Variants in NCAPD3 observed in about 807,000 individuals in gnomAD.
NCAPD3 encodes the protein condensin-2 complex subunit D3.
In NCAPD3, 105 loss-of-function variants were observed where a neutral mutation model predicts 182.9. The observed-to-expected ratio is 0.57, with a 90% CI of 0.49 to 0.68. The LOEUF (loss-of-function observed/expected upper bound fraction) is 0.68, where lower values mean the gene tolerates loss of function less well. Ranked by LOEUF, NCAPD3 falls within the 30% of genes least tolerant of loss-of-function variation. The pLI, the probability that NCAPD3 is intolerant of heterozygous loss-of-function variation, is 0.00. For synonymous variants in NCAPD3, 815 were observed against 679.9 expected, an observed-to-expected ratio of 1.20 and a Z score of -3.09; for missense variants, 1,944 against 1,837.0, an observed-to-expected ratio of 1.06 and a Z score of -1.07.
At chr11:134,224,068 C>G (rs376606577), upstream of NCAPD3, 20 of 1,011,126 alleles carry the variant, frequency 2.0e-5, no homozygotes, top group African/African-American at 1.8e-4. Flanking sequence ...TTTCCATTCG[C>G]TCAACCAATC....
intron 25 of NCAPD3, 53 bp from the exon 26 acceptor site, chr11:134,168,655 A>T: frequency 6.2e-7 from 1 of 1,607,412 alleles, no homozygotes. Flanking sequence ...GGTGTAAGGG[A>T]TTTAACACTG....
At position 134,158,072 on chromosome 11, in the gene NCAPD3, G is replaced by A. The variant is rs1405762413; in HGVS notation, c.4035-5C>T. The A allele has an allele frequency of 6.2e-7, 1 of 1,612,744 alleles. No homozygotes were observed. Among genetic ancestry groups the A allele is most frequent in the Non-Finnish European group, 8.5e-7 (1 of 1,179,334 alleles). On this transcript the variant is annotated splice_region_variant and splice_polypyrimidine_tract_variant and intron_variant, in intron 30 of 34. Coordinates refer to ENST00000534548, the MANE Select transcript of NCAPD3 (RefSeq NM_015261.3). ...ATGGTGCTCAGGGACATGGGCCTGT[G>A]GAGAACAGCCACAGCCGCTGACTTT...
chr11:134,156,452 A>G (rs1374115308), intron 32 of NCAPD3, among the ~76,000 whole-genome samples: 1 of 152,198 alleles, frequency 6.6e-6, no homozygotes, highest in Non-Finnish European at 1.5e-5. Context: ...CACAATATGA[A>G]GCTATCACAC....
chr11:134,194,944 A>C (rs550248470), intron 13 of NCAPD3, among the ~76,000 whole-genome samples: 2 of 152,348 alleles, frequency 1.3e-5, no homozygotes, highest in Admixed American at 1.3e-4. Flanking sequence ...AATATTAAAA[A>C]TTTGGTTTTA....
chr11:134,225,424 C>T (rs766491448), upstream of NCAPD3: 21 of 1,410,758 alleles, frequency 1.5e-5, no homozygotes, highest in African/African-American at 2.4e-4. Context: ...CCAGCTCCTC[C>T]GGCGAGGCCT....
At chr11:134,156,996 C>G (rs374968863) in intron 32 of NCAPD3, 22 bp downstream of exon 32, 5 of 1,588,822 alleles carry the variant, frequency 3.1e-6, no homozygotes, top group Admixed American at 1.7e-5. Context: ...GAGAAGCCCA[C>G]GTGTTCCGAT....
chr11:134,176,531 A>G, intron 23 of NCAPD3, 145 bp from the exon 24 acceptor site: 2 of 651,780 alleles, frequency 3.1e-6, no homozygotes, highest in Admixed American at 2.5e-5. Flanking sequence ...GTCGGAATGT[A>G]GTGCCGAGAA....
intron 29 of NCAPD3, 139 bp from the exon 30 acceptor site, chr11:134,158,634 T>C (rs1943495705): frequency 9.1e-6 from 8 of 880,532 alleles, no homozygotes; most frequent in African/African-American, 3.3e-5. Context: ...ATCAGGGTAA[T>C]TGGCATCTCC....
intron 27 of NCAPD3, among the ~76,000 whole-genome samples, chr11:134,165,226 TA>T (rs559742624): frequency 1.8e-3 from 265 of 144,034 alleles, no homozygotes; most frequent in African/African-American, 6.6e-3. Context: ...GAGATGAGCT[TA>T]GGGGAGCAGC....
intron 32 of NCAPD3, 105 bp downstream of exon 32, chr11:134,156,913 C>G (rs571660933): frequency 8.9e-6 from 9 of 1,007,126 alleles, no homozygotes; most frequent in Middle Eastern, 2.5e-4. Flanking sequence ...TTCTGACCAT[C>G]AGAACTATCC....
intron 27 of NCAPD3, among the ~76,000 whole-genome samples, chr11:134,162,837 C>T (rs1943626026): frequency 1.3e-5 from 2 of 152,180 alleles, no homozygotes; most frequent in Admixed American, 1.3e-4. Context: ...CCTCCAGCCA[C>T]TTCTAGAAAG....
chr11:134,159,860 T>C, intron 29 of NCAPD3, 32 bp downstream of exon 29: 1 of 1,596,910 alleles, frequency 6.3e-7, no homozygotes, highest in African/African-American at 1.3e-5. Context: ...GACTGGACTG[T>C]CTGGTCACAG....
rs777179980 is a variant in NCAPD3, at chr11:134,210,304, T to G, written c.533A>C (p.Lys178Thr). ...TTCTCTCCTGGGTGGCTTTCCCCTT[T>G]TTCTATGCCTCCCGGGGTTAGCCTG... The part of the protein sequence containing the change: ...SSQANPGRHR[K>T]RGKPPRREDI... Residue 178 changes from lysine (K) to threonine (T), a missense_variant, in exon 4 of 35, where the codon AAA (lysine) becomes ACA (threonine). Lys to Thr is a moderately conservative substitution (Grantham distance 78, BLOSUM62 -1). Coordinates refer to ENST00000534548, the MANE Select transcript of NCAPD3 (RefSeq NM_015261.3). The G allele has an allele frequency of 4.3e-6, 7 of 1,613,888 alleles. No homozygotes were observed. Among genetic ancestry groups the G allele is most frequent in the Non-Finnish European group, 5.9e-6 (7 of 1,179,972 alleles).
intron 3 of NCAPD3, among the ~76,000 whole-genome samples, chr11:134,213,462 G>GGCATACACCACCAGACCTAGCT (rs1470699036): frequency 6.6e-6 from 1 of 151,824 alleles, no homozygotes. Flanking sequence ...TGGGATTACA[G>GGCATACACCACCAGACCTAGCT]ACGTGTTACC....
intron 13 of NCAPD3, among the ~76,000 whole-genome samples, chr11:134,199,925 AC>A (rs960841658): frequency 2.3e-4 from 35 of 152,356 alleles, no homozygotes; most frequent in African/African-American, 8.4e-4. Flanking sequence ...TATAGAGCAC[AC>A]AAATAAGCTC....
In NCAPD3 at chr11:134,157,046, C is replaced by T. The variant is rs1486500627; in HGVS notation, c.4224G>A (p.Val1408=). 1 of 1,613,614 alleles carries T rather than the reference C, an allele frequency of 6.2e-7. No individual in the cohort carries two copies. The highest frequency in any genetic ancestry group is 1.3e-5 in the African/African-American group (1 of 74,868). ...EQESNGEIEH[V]TKRAISTPEK... ...CGGGGGTGCTGATGGCCCGCTTGGT[C>T]ACGTGCTCAATCTCGCCATTCGACT... Residue 1408 remains valine (V), a synonymous_variant, in exon 32 of 35, where the codon GTG becomes GTA. Coordinates refer to ENST00000534548, the MANE Select transcript of NCAPD3 (RefSeq NM_015261.3).
chr11:134,177,368 G>A lies in NCAPD3; in HGVS notation c.2872C>T (p.Arg958Cys), dbSNP rs1271577879. ...ELEVCEDVAV[R>C]NNVIIVMCDL... Reference sequence around the variant, plus strand: ...CACATTACAATGATGACGTTGTTGCGGACAGCCACGTCCTCACACACCTCG... The same window carrying A: ...CACATTACAATGATGACGTTGTTGCAGACAGCCACGTCCTCACACACCTCG... The change falls in exon 23 of 35, where the codon CGC becomes TGC. Residue 958 changes from arginine to cysteine, a missense_variant. Around this residue, in one of 3 missense-constraint regions of NCAPD3, gnomAD observed 1,803 missense variants for 1,674.6 expected, o/e 1.08. Transcript: ENST00000534548. 7 of 1,614,074 alleles carry A rather than the reference G, an allele frequency of 4.3e-6. No homozygotes were observed. The highest frequency in any genetic ancestry group is 1.3e-5 in the African/African-American group (1 of 74,934).
intron 29 of NCAPD3, 141 bp from the exon 30 acceptor site, chr11:134,158,636 G>T: frequency 1.2e-6 from 1 of 856,054 alleles, no homozygotes; most frequent in Non-Finnish European, 1.8e-6. Context: ...CAGGGTAATT[G>T]GCATCTCCAT....
At chr11:134,166,572 T>G (rs1485508502) in intron 27 of NCAPD3, among the ~76,000 whole-genome samples, 15 of 6,212 alleles carry the variant, frequency 2.4e-3, no homozygotes, top group East Asian at 4.5e-3. Flanking sequence ...ACTCGTGAGA[T>G]GAGCTTAGGG....
Sources: gnomAD v4.1 joint callset for allele counts (sites outside exome capture counted in the v4.1 genomes callset) on GRCh38, gnomAD v4.1.1 for gene constraint, gnomAD v4.1.1 regional missense constraint, MANE v1.5 for transcripts, NCBI Gene and HGNC (gene_info 2026-07-23, HGNC 2026-07-21) for gene names.